Variants in FBXO28 observed in about 807,000 individuals in gnomAD.
FBXO28 encodes F-box only protein 28.
Under a neutral mutation model 38.1 loss-of-function variants are expected in FBXO28, and 8 were observed. That is an observed-to-expected ratio of 0.21 (90% CI 0.12 to 0.38). The LOEUF (loss-of-function observed/expected upper bound fraction) is 0.38, where lower values mean the gene tolerates loss of function less well. Among genes scored for constraint, FBXO28 ranks in the 10% least tolerant of loss-of-function variants. FBXO28 has a pLI of 1.00. For missense variants in FBXO28, 345 were observed against 460.6 expected, an observed-to-expected ratio of 0.75 and a Z score of 2.30; for synonymous variants, 168 against 173.8, an observed-to-expected ratio of 0.97 and a Z score of 0.26.
intron 4 of FBXO28, among the ~76,000 whole-genome samples, chr1:224,156,080 G>A (rs1227992370): frequency 1.3e-5 from 2 of 152,194 alleles, no homozygotes; most frequent in Non-Finnish European, 2.9e-5. Flanking sequence ...GAGAGGGAAA[G>A]AAGAATGCAT....
intron 4 of FBXO28, among the ~76,000 whole-genome samples, chr1:224,153,620 A>T (rs11582248): frequency 0.14 from 21,901 of 152,214 alleles, 1,667 homozygotes; most frequent in Middle Eastern, 0.24. Context: ...AACTTATTAG[A>T]AATAGAATAG....
chr1:224,137,925 A>G (rs1657234723), intron 3 of FBXO28, among the ~76,000 whole-genome samples: 1 of 151,842 alleles, frequency 6.6e-6, no homozygotes, highest in South Asian at 2.1e-4. Flanking sequence ...CAGGGGGACT[A>G]TATTGATAGG....
At chr1:224,147,714 A>C (rs1657542682) in intron 3 of FBXO28, among the ~76,000 whole-genome samples, 2 of 151,780 alleles carry the variant, frequency 1.3e-5, no homozygotes, top group Admixed American at 1.3e-4. Flanking sequence ...GTGGTATATC[A>C]TTTGAAAGGT....
At chr1:224,139,618 G>A (rs1057342312) in intron 3 of FBXO28, among the ~76,000 whole-genome samples, 3 of 152,134 alleles carry the variant, frequency 2.0e-5, no homozygotes, top group African/African-American at 7.2e-5. Flanking sequence ...GCACACGCCT[G>A]TAGTCCCAGC....
At chr1:224,120,261 A>G (rs1023494290) in intron 1 of FBXO28, among the ~76,000 whole-genome samples, 1 of 152,192 alleles carries the variant, frequency 6.6e-6, no homozygotes, top group African/African-American at 2.4e-5. Flanking sequence ...ACAAACATCA[A>G]GCTCTTCAGT....
At chr1:224,122,787 C>T (rs1656809341) in intron 1 of FBXO28, among the ~76,000 whole-genome samples, 1 of 152,130 alleles carries the variant, frequency 6.6e-6, no homozygotes, top group African/African-American at 2.4e-5. Flanking sequence ...ATCTGTCTAA[C>T]CTTTAGCAGT....
chr1:224,136,101 GTTTTTTTT>G (rs397982996), intron 3 of FBXO28, among the ~76,000 whole-genome samples: 3 of 75,130 alleles, frequency 4.0e-5, no homozygotes, highest in Admixed American at 4.7e-4. Flanking sequence ...GTTGACTTCA[GTTTTTTTT>G]TTTTTTTTTT....
Position 224,158,351 on chromosome 1 carries a change from AC to A in FBXO28, c.*608del. 1 of 430,710 alleles carries A rather than the reference AC, an allele frequency of 2.3e-6. No individual in the cohort carries two copies. Among genetic ancestry groups the A allele is most frequent in the Non-Finnish European group, 3.1e-6 (1 of 322,782 alleles). 26.7% of individuals were successfully genotyped at this position (430,710 alleles called of 1,614,324 possible). A position where few individuals can be genotyped will look rare whatever the true frequency, so the allele number is the denominator to read the frequency against. ...TTTATAAACTACTGGCAAGGAACTT[AC>A]CCAGCTGTTATACATGTTTTCAGTT... On this transcript the variant is annotated 3_prime_UTR_variant, in exon 5 of 5. Coordinates refer to ENST00000366862, the MANE Select transcript of FBXO28 (RefSeq NM_015176.4).
At chr1:224,142,977 T>C (rs1018990860) in intron 3 of FBXO28, among the ~76,000 whole-genome samples, 6 of 151,498 alleles carry the variant, frequency 4.0e-5, no homozygotes, top group Admixed American at 2.0e-4. Context: ...AACTCCAGCC[T>C]GGGGGACAGA....
chr1:224,154,451 A>T (rs558784704), intron 4 of FBXO28, among the ~76,000 whole-genome samples: 11 of 150,890 alleles, frequency 7.3e-5, no homozygotes, highest in Non-Finnish European at 1.6e-4. Flanking sequence ...CGGGCCGATC[A>T]CCTGAGGTCA....
intron 1 of FBXO28, among the ~76,000 whole-genome samples, chr1:224,118,548 G>A (rs924341295): frequency 6.6e-6 from 1 of 152,058 alleles, no homozygotes; most frequent in Admixed American, 6.6e-5. Flanking sequence ...ACATAAATAC[G>A]TGCTTTTGTC....
Position 224,157,931 on chromosome 1 carries a change from A to G in FBXO28, c.*185A>G, listed in dbSNP as rs1458380866. 14 of 1,404,596 alleles carry G rather than the reference A, an allele frequency of 1.0e-5. No individual in the cohort carries two copies. 87.0% of individuals were successfully genotyped at this position (1,404,596 alleles called of 1,614,324 possible). On this transcript the variant is annotated 3_prime_UTR_variant, in exon 5 of 5. Coordinates refer to ENST00000366862, the MANE Select transcript of FBXO28 (RefSeq NM_015176.4). ...TTCTCCTGATTGAACTGATGCACAG[A>G]ATCTTTTTACTTTGCAATAGATTTG...
chr1:224,119,440 C>G (rs370206355), intron 1 of FBXO28, among the ~76,000 whole-genome samples: 7 of 151,862 alleles, frequency 4.6e-5, no homozygotes, highest in Non-Finnish European at 1.0e-4. Context: ...CCCGGCCCCA[C>G]TGATTTTTTC....
chr1:224,119,310 T>A (rs1165011040), intron 1 of FBXO28, among the ~76,000 whole-genome samples: 3 of 151,618 alleles, frequency 2.0e-5, no homozygotes, highest in South Asian at 2.1e-4. Flanking sequence ...ATTTTTTTTT[T>A]TTATTTTTAG....
At chr1:224,133,902 G>C (rs951044202) in intron 2 of FBXO28, among the ~76,000 whole-genome samples, 172 bp from the exon 3 acceptor site, 3 of 151,970 alleles carry the variant, frequency 2.0e-5, no homozygotes, top group Non-Finnish European at 4.4e-5. Flanking sequence ...CTTTGGTAAC[G>C]ATTTCTAGGC....
chr1:224,133,001 CA>C (rs1440554478), intron 2 of FBXO28, among the ~76,000 whole-genome samples: 9 of 152,112 alleles, frequency 5.9e-5, no homozygotes, highest in African/African-American at 1.7e-4. Flanking sequence ...AAATGTCCAT[CA>C]GCTGATGAGC....
intron 1 of FBXO28, among the ~76,000 whole-genome samples, chr1:224,117,717 C>A (rs1018644040): frequency 1.3e-5 from 2 of 152,128 alleles, no homozygotes; most frequent in African/African-American, 4.8e-5. Context: ...GAAGTGAGAT[C>A]CTGGCTCACT....
chr1:224,123,062 G>A (rs1420040642), intron 1 of FBXO28, among the ~76,000 whole-genome samples: 2 of 146,110 alleles, frequency 1.4e-5, no homozygotes, highest in African/African-American at 5.1e-5. Flanking sequence ...ATTTCTTAAG[G>A]CCTCAGCTTT....
At chr1:224,124,040 G>T (rs1656845885) in intron 1 of FBXO28, among the ~76,000 whole-genome samples, 1 of 152,124 alleles carries the variant, frequency 6.6e-6, no homozygotes, top group African/African-American at 2.4e-5. Context: ...AACCCGGGAG[G>T]CAAAGGTTGC....
Sources: gnomAD v4.1 joint callset for allele counts (sites outside exome capture counted in the v4.1 genomes callset) on GRCh38, gnomAD v4.1.1 for gene constraint, MANE v1.5 for transcripts, NCBI Gene and HGNC (gene_info 2026-07-23, HGNC 2026-07-21) for gene names.